Variants in CDH23 observed in about 807,000 individuals in gnomAD.
CDH23 encodes the protein cadherin related 23.
Under a neutral mutation model 317.1 loss-of-function variants are expected in CDH23, and 189 were observed. The ratio of observed to expected loss-of-function variants is 0.60; its 90% CI spans 0.53 to 0.67. The LOEUF (loss-of-function observed/expected upper bound fraction) is 0.67. CDH23 is among the 30% of genes least tolerant of loss of function. The pLI is 0.00. For missense variants in CDH23, 4,401 were observed against 4,592.4 expected (o/e 0.96, Z 1.20); for synonymous variants, 1,839 against 1,876.8 (o/e 0.98, Z 0.52).
chr10:71,648,404 C>T (rs1863001863), intron 14 of CDH23, among the ~76,000 whole-genome samples: 1 of 152,238 alleles, frequency 6.6e-6, no homozygotes, highest in African/African-American at 2.4e-5. Context: ...AGGGGAGGCT[C>T]TGTCCCCTGT....
At chr10:71,701,576 C>T (rs1032138705) in intron 22 of CDH23, among the ~76,000 whole-genome samples, 2 of 152,064 alleles carry the variant, frequency 1.3e-5, no homozygotes, top group African/African-American at 4.8e-5. Context: ...TTCCAGGGAG[C>T]TCCACCCTCT....
chr10:71,599,328 T>G (rs1162527292), intron 9 of CDH23, among the ~76,000 whole-genome samples: 1 of 152,196 alleles, frequency 6.6e-6, no homozygotes, highest in Non-Finnish European at 1.5e-5. Flanking sequence ...GGTAAAAACC[T>G]CTGATCCTGA....
chr10:71,469,711 T>C (rs963889889), intron 3 of CDH23, among the ~76,000 whole-genome samples: 6 of 152,024 alleles, frequency 3.9e-5, no homozygotes, highest in African/African-American at 1.5e-4. Context: ...GTTCAAGAGA[T>C]TCTCCTACCT....
At chr10:71,599,788 C>T (rs568086953) in intron 9 of CDH23, among the ~76,000 whole-genome samples, 82 of 152,286 alleles carry the variant, frequency 5.4e-4, no homozygotes, top group African/African-American at 1.8e-3. Context: ...CTGCTTCTAA[C>T]GTGCTGTGTG....
intron 38 of CDH23, chr10:71,749,057 C>A (rs1408793631): frequency 3.3e-5 from 5 of 152,400 alleles, no homozygotes; most frequent in Non-Finnish European, 7.3e-5. Flanking sequence ...CCTCTCCACA[C>A]AGCAGCAGCC....
intron 11 of CDH23, among the ~76,000 whole-genome samples, chr10:71,618,646 G>A (rs997361750): frequency 1.2e-4 from 19 of 152,122 alleles, no homozygotes; most frequent in Non-Finnish European, 1.9e-4. Flanking sequence ...TTCCTCCACC[G>A]TCCTCGGGAG....
chr10:71,676,961 G>A (rs1864396209), intron 15 of CDH23, among the ~76,000 whole-genome samples: 1 of 152,132 alleles, frequency 6.6e-6, no homozygotes. Context: ...TGTCTTGCCG[G>A]ACCTTTCTGC....
intron 28 of CDH23, chr10:71,718,019 T>C (rs903534595): frequency 6.6e-6 from 1 of 152,242 alleles, no homozygotes; most frequent in Admixed American, 6.5e-5. Context: ...TCTACTGACG[T>C]GGACAAGCAA....
chr10:71,696,150 G>A (rs1206117875), intron 22 of CDH23, among the ~76,000 whole-genome samples: 1 of 152,176 alleles, frequency 6.6e-6, no homozygotes, highest in Non-Finnish European at 1.5e-5. Flanking sequence ...GAATCCTGGG[G>A]AAACTGAGGA....
At chr10:71,681,656 G>A (rs1246741841) in intron 17 of CDH23, among the ~76,000 whole-genome samples, 5 of 152,322 alleles carry the variant, frequency 3.3e-5, no homozygotes, top group South Asian at 2.1e-4. Flanking sequence ...AGAGAGAGAC[G>A]CCAGGGGCAG....
At chr10:71,697,368 G>A (rs1247637564) in intron 22 of CDH23, among the ~76,000 whole-genome samples, 1 of 152,200 alleles carries the variant, frequency 6.6e-6, no homozygotes, top group Admixed American at 6.5e-5. Context: ...TCAGGCTGAG[G>A]GTACAGGAAG....
intron 46 of CDH23, 53 bp downstream of exon 46, chr10:71,790,466 G>A: frequency 6.3e-7 from 1 of 1,595,712 alleles, no homozygotes. Flanking sequence ...GGTGGGGATG[G>A]CCACACTGCT....
At chr10:71,802,792 G>A in intron 53 of CDH23, 106 bp from the exon 54 acceptor site, 1 of 1,203,248 alleles carries the variant, frequency 8.3e-7, no homozygotes, top group Non-Finnish European at 1.2e-6. Flanking sequence ...TCCCTCCCAG[G>A]CTGGTGCCTG....
intron 6 of CDH23, among the ~76,000 whole-genome samples, chr10:71,521,915 C>G (rs914904115): frequency 4.6e-5 from 7 of 152,194 alleles, no homozygotes; most frequent in Admixed American, 2.0e-4. Flanking sequence ...CACCTGCAGA[C>G]AGGGGCGGTC....
chr10:71,514,229 G>T (rs1056895398), intron 6 of CDH23, among the ~76,000 whole-genome samples: 1 of 152,172 alleles, frequency 6.6e-6, no homozygotes, highest in Non-Finnish European at 1.5e-5. Flanking sequence ...CCAGGGGACT[G>T]GTTAGAAAGC....
At chr10:71,808,981 CT>C (rs1440011927) in intron 60 of CDH23, among the ~76,000 whole-genome samples, 2 of 152,140 alleles carry the variant, frequency 1.3e-5, no homozygotes, top group Admixed American at 1.3e-4. Context: ...GACACCATCC[CT>C]TTGTCCTCTG....
chr10:71,657,873 C>T (rs1235866912), intron 14 of CDH23, among the ~76,000 whole-genome samples: 1 of 152,176 alleles, frequency 6.6e-6, no homozygotes, highest in Non-Finnish European at 1.5e-5. Flanking sequence ...AATTCTTTAT[C>T]TGCAGCCTGG....
At chr10:71,448,340 G>A (rs548124607) in intron 3 of CDH23, among the ~76,000 whole-genome samples, 4 of 152,354 alleles carry the variant, frequency 2.6e-5, no homozygotes, top group East Asian at 3.9e-4. Context: ...AGCATCGATC[G>A]GCCTCCGGAA....
intron 20 of CDH23, 23 bp from the exon 21 acceptor site, chr10:71,694,124 G>T (rs545775135): frequency 6.4e-7 from 1 of 1,555,004 alleles, no homozygotes; most frequent in South Asian, 1.1e-5. Context: ...ACCCTCTCAC[G>T]CACCCACTTC....
Sources: allele counts gnomAD v4.1 joint callset (sites outside exome capture counted in the v4.1 genomes callset), GRCh38; gene constraint gnomAD v4.1.1; transcripts MANE v1.5; gene names NCBI Gene and HGNC (gene_info 2026-07-23, HGNC 2026-07-21).